The following TRIM49B variants were observed in gnomAD, a reference collection of about 807,000 sequenced individuals.
TRIM49B encodes the protein tripartite motif containing 49B.
TRIM49B carries 18 observed loss-of-function variants against 31.8 expected under a neutral mutation model. That is an observed-to-expected ratio of 0.57 (90% confidence interval 0.39 to 0.84). The LOEUF is 0.84. Among genes scored for constraint, TRIM49B ranks in the 40% least tolerant of loss-of-function variants. The pLI, the probability that TRIM49B is intolerant of heterozygous loss-of-function variation, is 0.00. For synonymous variants in TRIM49B, 196 were observed against 180.6 expected (o/e 1.09, Z -0.68); for missense variants, 494 against 538.7 (o/e 0.92, Z 0.82).
intron 3 of TRIM49B, 133 bp downstream of exon 3, chr11:49,032,504 A>G (rs1398271549): frequency 1.3e-5 from 19 of 1,512,012 alleles, no homozygotes; most frequent in Non-Finnish European, 1.2e-5. Context: ...AAAGCGAGAG[A>G]AAACATTGAG....
At chr11:49,030,208 G>A (rs559453064) in intron 1 of TRIM49B, among the ~76,000 whole-genome samples, 11 of 152,128 alleles carry the variant, frequency 7.2e-5, no homozygotes, top group Non-Finnish European at 1.2e-4. Context: ...CTAGTGTCAC[G>A]TTCCTGTAAT....
chr11:49,035,339 ATTTTTTTTTTTTTTTTTTTT>A lies in TRIM49B; in HGVS notation c.761+241_761+260del, dbSNP rs1162056301. 1.1e-4 allele frequency among the ~76,000 whole-genome samples: 6 copies of A among 56,810 alleles called. No homozygotes were observed. The South Asian group carries it at 3.0e-3, about 29-fold the overall frequency. The allele number at this position is 56,810 out of a possible 152,430, so 37.3% of individuals were successfully genotyped here. ...ACTAAAACAAACAATTTGATTCCTG[ATTTTTTTTTTTTTTTTTTTT>A]TTTTTTTTTTTTTTTTTTGAGACGG... On this transcript the variant is annotated intron_variant, in intron 5 of 6. Transcript: ENST00000332682.
At chr11:49,032,706 T>A (rs966096154) in intron 3 of TRIM49B, among the ~76,000 whole-genome samples, 26 of 151,978 alleles carry the variant, frequency 1.7e-4, no homozygotes, top group East Asian at 1.2e-3. Flanking sequence ...GCAAAAGGGT[T>A]ATTTGGCAGT....
intron 1 of TRIM49B, among the ~76,000 whole-genome samples, chr11:49,031,092 G>T (rs1044548775): frequency 6.6e-6 from 1 of 151,656 alleles, no homozygotes; most frequent in Admixed American, 6.6e-5. Context: ...GGCTTGTTAT[G>T]TAGGTAAACT....
At chr11:49,033,627 GA>G (rs1239925511) in intron 3 of TRIM49B, among the ~76,000 whole-genome samples, 4 of 152,156 alleles carry the variant, frequency 2.6e-5, no homozygotes, top group Non-Finnish European at 5.9e-5. Flanking sequence ...GGATGACTTA[GA>G]AAAAGAATAG....
intron 2 of TRIM49B, 54 bp downstream of exon 2, chr11:49,032,064 G>A (rs960354342): frequency 1.2e-6 from 2 of 1,611,000 alleles, no homozygotes; most frequent in African/African-American, 2.7e-5. Flanking sequence ...AAATTCCTGT[G>A]GGTCTATTTT....
At chr11:49,034,521 G>C in intron 4 of TRIM49B, 145 bp downstream of exon 4, 1 of 1,567,520 alleles carries the variant, frequency 6.4e-7, no homozygotes, top group South Asian at 1.2e-5. Flanking sequence ...TTTGTTGGGA[G>C]AGTATAGCCC....
intron 2 of TRIM49B, 29 bp downstream of exon 2, chr11:49,032,039 T>G (rs754475281): frequency 5.0e-6 from 8 of 1,611,886 alleles, no homozygotes; most frequent in East Asian, 2.2e-5. Flanking sequence ...GATCGATTTC[T>G]GTAAAGGATA....
intron 3 of TRIM49B, among the ~76,000 whole-genome samples, chr11:49,032,695 G>A (rs1459839842): frequency 1.3e-5 from 2 of 151,874 alleles, no homozygotes; most frequent in African/African-American, 2.4e-5. Flanking sequence ...ATAAATGTTA[G>A]GCAAAAGGGT....
rs776387718 is a variant in TRIM49B, at chr11:49,037,632, G to T, written c.1014G>T (p.Ser338=). Reference sequence around the variant, plus strand: ...CATGGGGTGCTCAGACTTTCACCTCGGGCAAATATTACTGGGAGGTCCATG... The same window carrying T: ...CATGGGGTGCTCAGACTTTCACCTCTGGCAAATATTACTGGGAGGTCCATG... ...FLAWGAQTFT[S]GKYYWEVHVG... The change falls in exon 7 of 7, where the codon TCG becomes TCT. Residue 338 remains serine, a synonymous_variant. Transcript: ENST00000332682. The T allele has an allele frequency of 4.3e-6, 7 of 1,613,750 alleles. No individual in the cohort carries two copies. The highest frequency in any genetic ancestry group is 5.9e-6 in the Non-Finnish European group (7 of 1,179,886).
At chr11:49,031,052 T>C (rs1201313715) in intron 1 of TRIM49B, among the ~76,000 whole-genome samples, 2 of 152,092 alleles carry the variant, frequency 1.3e-5, no homozygotes, top group African/African-American at 4.8e-5. Flanking sequence ...TAATTTAATT[T>C]TAAGTCCTGG....
intron 4 of TRIM49B, 31 bp downstream of exon 4, chr11:49,034,407 T>C (rs752108494): frequency 6.2e-7 from 1 of 1,611,976 alleles, no homozygotes; most frequent in South Asian, 1.1e-5. Flanking sequence ...TTCAGGTTTT[T>C]GAATATTCAC....
rs1329541914 is a variant in TRIM49B at position 49,032,258 on chromosome 11, T to C, written c.412-18T>C. 1 of 1,612,638 alleles carries C rather than the reference T, an allele frequency of 6.2e-7. No homozygotes were observed. Among genetic ancestry groups the C allele is most frequent in the Non-Finnish European group, 8.5e-7 (1 of 1,179,786 alleles). ...GTCATGGTCTGCACTGGTGCTTCAA[T>C]TTATGGCTCTTTTGCAGGAGAAGCT... is the stretch of plus-strand genomic sequence containing the variant. On this transcript the variant is annotated intron_variant, in intron 2 of 6. Transcript: ENST00000332682.
intron 5 of TRIM49B, among the ~76,000 whole-genome samples, chr11:49,035,337 T>G (rs894202330): frequency 1.9e-4 from 24 of 128,636 alleles, no homozygotes; most frequent in African/African-American, 6.9e-4. Context: ...ATTTGATTCC[T>G]GATTTTTTTT....
chr11:49,035,142 A>G (rs764910279), intron 5 of TRIM49B, 25 bp downstream of exon 5: 4 of 1,605,726 alleles, frequency 2.5e-6, no homozygotes, highest in East Asian at 4.5e-5. Flanking sequence ...AGATTTTAGC[A>G]TATGTTCTTT....
At chr11:49,035,522 G>A (rs1302755265) in intron 5 of TRIM49B, among the ~76,000 whole-genome samples, 1 of 151,682 alleles carries the variant, frequency 6.6e-6, no homozygotes, top group Non-Finnish European at 1.5e-5. Flanking sequence ...ACCACACCCG[G>A]CTAATTTTTT....
chr11:49,029,072 G>A (rs1854416420), intron 1 of TRIM49B, 97 bp downstream of exon 1: 1 of 152,172 alleles, frequency 6.6e-6, no homozygotes, highest in African/African-American at 2.4e-5. Context: ...TCTACACAAT[G>A]ATACCATTTG....
chr11:49,032,079 G>C, intron 2 of TRIM49B, 69 bp downstream of exon 2: 1 of 1,610,230 alleles, frequency 6.2e-7, no homozygotes, highest in Non-Finnish European at 8.5e-7. Context: ...TATTTTCTTG[G>C]AGATTGGATA....
chr11:49,034,451 T>C, intron 4 of TRIM49B, 75 bp downstream of exon 4: 1 of 1,611,172 alleles, frequency 6.2e-7, no homozygotes, highest in Admixed American at 1.7e-5. Flanking sequence ...CTGAAATCCA[T>C]CTCCCTAATT....
Sources: allele counts gnomAD v4.1 joint callset (sites outside exome capture counted in the v4.1 genomes callset), GRCh38; gene constraint gnomAD v4.1.1; transcripts MANE v1.5; gene names NCBI Gene and HGNC (gene_info 2026-07-23, HGNC 2026-07-21).